The following KIF25 variants were observed in gnomAD, a reference collection of about 807,000 sequenced individuals.
KIF25 encodes the protein kinesin family member 25.
KIF25 carries 19 observed loss-of-function variants against 32.9 expected under a neutral mutation model. That is an observed-to-expected ratio of 0.58 (90% CI 0.40 to 0.85). The LOEUF is 0.85. KIF25 is among the 40% of genes least tolerant of loss of function. KIF25 has a pLI of 0.00. For missense variants in KIF25, 485 were observed against 507.0 expected (o/e 0.96, Z 0.42); for synonymous variants, 225 against 213.7 (o/e 1.05, Z -0.46).
In KIF25 at chr6:168,030,815, T is replaced by C; in HGVS notation, c.135T>C (p.Asp45=). The C allele has an allele frequency of 6.2e-7, 1 of 1,613,644 alleles. No homozygotes were observed. The highest frequency in any genetic ancestry group is 8.5e-7 in the Non-Finnish European group (1 of 1,179,800). ...AGTCTCAGAGCGCGGTCTTTGGAGA[T>C]GTGTGCCCCCTACTCACTTCTCTCT... ...PAESQSAVFG[D]VCPLLTSLLD... is the part of the protein sequence containing the mutation. The change falls in exon 7 of 13, where the codon GAT becomes GAC. Residue 45 remains aspartate, a synonymous_variant. Coordinates refer to ENST00000643607, the MANE Select transcript of KIF25 (RefSeq NM_030615.4).
chr6:168,004,755 C>T (rs779461347), intron 4 of KIF25, among the ~76,000 whole-genome samples: 1 of 152,128 alleles, frequency 6.6e-6, no homozygotes, highest in African/African-American at 2.4e-5. Flanking sequence ...AGGATCTTCA[C>T]GACGAGGGTT....
chr6:168,028,420 C>A (rs1033870641), intron 5 of KIF25, among the ~76,000 whole-genome samples: 3 of 152,132 alleles, frequency 2.0e-5, no homozygotes, highest in Admixed American at 1.3e-4. Context: ...CAGCCCGTTG[C>A]CACATGGAGT....
chr6:168,007,631 C>T (rs1326361141), intron 4 of KIF25, among the ~76,000 whole-genome samples: 1 of 152,170 alleles, frequency 6.6e-6, no homozygotes, highest in African/African-American at 2.4e-5. Context: ...CCGAAAATAG[C>T]TGGAGGTCTG....
At chr6:168,001,450 G>A (rs1798500095) in intron 2 of KIF25, among the ~76,000 whole-genome samples, 1 of 152,236 alleles carries the variant, frequency 6.6e-6, no homozygotes, top group Admixed American at 6.5e-5. Flanking sequence ...CAGCCTCCCT[G>A]CGAGCCTCCC....
intron 8 of KIF25, among the ~76,000 whole-genome samples, chr6:168,034,715 G>T (rs188811766): frequency 1.8e-4 from 28 of 152,306 alleles, no homozygotes; most frequent in Admixed American, 5.9e-4. Context: ...CCGCCATCAG[G>T]AGTGTATGCA....
At chr6:168,008,462 A>G (rs1206796356) in intron 4 of KIF25, among the ~76,000 whole-genome samples, 1 of 152,056 alleles carries the variant, frequency 6.6e-6, no homozygotes, top group African/African-American at 2.4e-5. Context: ...GTACCATGCT[A>G]TTTTGGTTAC....
At chr6:168,027,100 G>T (rs1583137768) in intron 5 of KIF25, among the ~76,000 whole-genome samples, 1 of 152,266 alleles carries the variant, frequency 6.6e-6, no homozygotes, top group African/African-American at 2.4e-5. Flanking sequence ...CAGAGATGGG[G>T]GAGGCCCTCG....
chr6:168,023,973 C>G (rs1003485815), intron 5 of KIF25, among the ~76,000 whole-genome samples: 1 of 152,060 alleles, frequency 6.6e-6, no homozygotes, highest in Non-Finnish European at 1.5e-5. Context: ...AACCAAATAA[C>G]TTGATTTTTT....
chr6:168,018,909 A>C (rs1283111782), intron 5 of KIF25, among the ~76,000 whole-genome samples: 1 of 152,248 alleles, frequency 6.6e-6, no homozygotes, highest in African/African-American at 2.4e-5. Flanking sequence ...TGACCAGCAC[A>C]GGAGCGGTAA....
At chr6:168,026,914 G>C (rs1180076922) in intron 5 of KIF25, among the ~76,000 whole-genome samples, 1 of 152,154 alleles carries the variant, frequency 6.6e-6, no homozygotes, top group Non-Finnish European at 1.5e-5. Flanking sequence ...TTCTATAGTC[G>C]TTCAAGTTCA....
chr6:168,016,362 G>A (rs530106754), intron 4 of KIF25, among the ~76,000 whole-genome samples: 56 of 152,342 alleles, frequency 3.7e-4, no homozygotes, highest in African/African-American at 9.6e-4. Flanking sequence ...TGTGAAAGCC[G>A]TGCCGGAGCA....
rs6928620 is a variant in KIF25 at position 168,040,146 on chromosome 6, C to T, written c.576C>T (p.His192=). ...QLRAKHPTLV[H]ADSSRSHLII... The stretch of plus-strand genomic sequence containing the variant: ...GGGCGAAGCACCCCACCCTGGTGCA[C>T]GCGGATTCCTCCAGGTCTCACCTGA... Residue 192 remains histidine (H), a synonymous_variant, in exon 10 of 13, where the codon CAC becomes CAT. Transcript: ENST00000643607. The T allele has an allele frequency of 0.024, 38,030 of 1,613,952 alleles. 1,170 individuals are homozygous for T. Among genetic ancestry groups the T allele is most frequent in the African/African-American group, 0.12 (8,979 of 75,028 alleles).
chr6:168,029,767 G>T, intron 6 of KIF25, 90 bp downstream of exon 6: 1 of 1,460,452 alleles, frequency 6.8e-7, no homozygotes. Flanking sequence ...TTCTACTTTT[G>T]TATCTTGGTG....
At chr6:168,007,857 T>C (rs995738647) in intron 4 of KIF25, among the ~76,000 whole-genome samples, 1 of 152,218 alleles carries the variant, frequency 6.6e-6, no homozygotes, top group Non-Finnish European at 1.5e-5. Context: ...TTTTATTTCC[T>C]TAATCTTAGG....
chr6:168,042,802 G>A, intron 12 of KIF25, 86 bp downstream of exon 12: 1 of 1,464,106 alleles, frequency 6.8e-7, no homozygotes, highest in Admixed American at 2.0e-5. Flanking sequence ...ACGTCCTCGA[G>A]GGCCACCCAT....
Position 168,044,896 on chromosome 6 carries a change from A to AG in KIF25, c.1058dup (p.Leu354ProfsTer50), listed in dbSNP as rs1461372104. On this transcript the variant is annotated frameshift_variant, in exon 13 of 13. Transcript: ENST00000643607. LOFTEE classifies it low-confidence loss of function (END_TRUNC). ...CAGAGGCACCTGGCACAGACGTTGC[A>AG]GGGCCTGGGTTTCGGGATCCGAGCT... 6.2e-7 allele frequency: 1 copy of AG among 1,612,852 alleles called. No individual in the cohort carries two copies. The highest frequency in any genetic ancestry group is 8.5e-7 in the Non-Finnish European group (1 of 1,179,188).
intron 5 of KIF25, among the ~76,000 whole-genome samples, chr6:168,022,382 C>A (rs1484672041): frequency 6.6e-6 from 1 of 152,026 alleles, no homozygotes; most frequent in Non-Finnish European, 1.5e-5. Flanking sequence ...AATAGTCTTC[C>A]ATTTTCCTTA....
chr6:168,000,600 C>T (rs1297087356), intron 2 of KIF25, among the ~76,000 whole-genome samples: 2 of 145,540 alleles, frequency 1.4e-5, no homozygotes, highest in East Asian at 2.1e-4. Context: ...CTGACCTTCT[C>T]ACCCTCCCTC....
At chr6:168,000,006 C>G (rs1442030492) in intron 2 of KIF25, among the ~76,000 whole-genome samples, 3 of 103,620 alleles carry the variant, frequency 2.9e-5, no homozygotes, top group Non-Finnish European at 5.9e-5. Context: ...CCTGACCACA[C>G]CTGACCCTCC....
Sources: allele counts gnomAD v4.1 joint callset (sites outside exome capture counted in the v4.1 genomes callset), GRCh38; gene constraint gnomAD v4.1.1; transcripts MANE v1.5; gene names NCBI Gene and HGNC (gene_info 2026-07-23, HGNC 2026-07-21).